Variants in KMT2C observed in about 807,000 individuals in gnomAD.
The protein encoded by KMT2C is histone-lysine N-methyltransferase 2C.
Under a neutral mutation model 507.9 loss-of-function variants are expected in KMT2C, and 88 were observed. The ratio of observed to expected loss-of-function variants is 0.17; its 90% confidence interval spans 0.15 to 0.21. KMT2C has a LOEUF of 0.21. KMT2C is among the 10% of genes least tolerant of loss of function. The pLI, the probability that KMT2C is intolerant of heterozygous loss-of-function variation, is 1.00. For missense variants in KMT2C, 4,954 were observed against 5,957.8 expected, an observed-to-expected ratio of 0.83 and a Z score of 5.55; for synonymous variants, 2,049 against 2,080.8, an observed-to-expected ratio of 0.98 and a Z score of 0.42.
At chr7:152,289,941 G>T (rs562644295) in intron 6 of KMT2C, among the ~76,000 whole-genome samples, 1 of 152,054 alleles carries the variant, frequency 6.6e-6, no homozygotes, top group East Asian at 1.9e-4. Flanking sequence ...CAGCTACTCA[G>T]GAGGCTGAGG....
intron 7 of KMT2C, among the ~76,000 whole-genome samples, chr7:152,268,078 G>A (rs565696122): frequency 2.4e-4 from 36 of 152,234 alleles, no homozygotes; most frequent in Non-Finnish European, 3.7e-4. Flanking sequence ...TCAGGAGCTC[G>A]AGACCAGCCG....
At chr7:152,310,173 T>C (rs2129199385) in intron 5 of KMT2C, 98 bp from the exon 6 acceptor site, 2 of 763,222 alleles carry the variant, frequency 2.6e-6, no homozygotes, top group East Asian at 5.4e-5. Context: ...CTCTAATATG[T>C]AAATATACAA....
intron 6 of KMT2C, among the ~76,000 whole-genome samples, chr7:152,297,052 A>AGAAT (rs2096516001): frequency 1.4e-5 from 1 of 73,916 alleles, no homozygotes; most frequent in Non-Finnish European, 2.5e-5. Flanking sequence ...AAAGAAAGAA[A>AGAAT]GACAGAGAGA....
intron 55 of KMT2C, among the ~76,000 whole-genome samples, chr7:152,142,784 G>A (rs1190974103): frequency 6.6e-6 from 1 of 152,210 alleles, no homozygotes; most frequent in Admixed American, 6.5e-5. Context: ...AGTTGATCGA[G>A]AGGGACCTCT....
chr7:152,410,536 C>G (rs1293723575), intron 1 of KMT2C, among the ~76,000 whole-genome samples: 4 of 152,070 alleles, frequency 2.6e-5, no homozygotes, highest in African/African-American at 9.7e-5. Flanking sequence ...CGAGACAGCG[C>G]CACTGCACTC....
intron 1 of KMT2C, among the ~76,000 whole-genome samples, chr7:152,360,427 G>A (rs764188516): frequency 1.3e-4 from 20 of 151,034 alleles, no homozygotes; most frequent in Non-Finnish European, 2.7e-4. Context: ...GCAGTGAGCC[G>A]AGATCACACC....
At chr7:152,409,059 A>G (rs1349560398) in intron 1 of KMT2C, among the ~76,000 whole-genome samples, 1 of 151,810 alleles carries the variant, frequency 6.6e-6, no homozygotes, top group Non-Finnish European at 1.5e-5. Flanking sequence ...GCTTAAGTGC[A>G]GTGGCGCCAT....
At chr7:152,149,966 A>C (rs1587698060) in intron 51 of KMT2C, among the ~76,000 whole-genome samples, 1 of 152,202 alleles carries the variant, frequency 6.6e-6, no homozygotes, top group Non-Finnish European at 1.5e-5. Context: ...TTAAGATCTA[A>C]ATTTATTTGT....
chr7:152,368,757 A>G (rs1270313570), intron 1 of KMT2C: 17 of 863,712 alleles, frequency 2.0e-5, no homozygotes, highest in Middle Eastern at 3.5e-4. Flanking sequence ...CACCAGTTTC[A>G]TCCATAATGA....
At chr7:152,266,271 G>A (rs1353676823) in intron 7 of KMT2C, among the ~76,000 whole-genome samples, 1 of 150,084 alleles carries the variant, frequency 6.7e-6, no homozygotes, top group African/African-American at 2.5e-5. Flanking sequence ...TTGAGACAGA[G>A]TTTCACTCTG....
intron 31 of KMT2C, among the ~76,000 whole-genome samples, chr7:152,188,799 G>A (rs1363612450): frequency 6.6e-6 from 1 of 151,494 alleles, no homozygotes; most frequent in East Asian, 1.9e-4. Flanking sequence ...TAGTGGAGGT[G>A]GGGTTTCACC....
At chr7:152,300,668 G>C (rs1227650564) in intron 6 of KMT2C, among the ~76,000 whole-genome samples, 3 of 152,154 alleles carry the variant, frequency 2.0e-5, no homozygotes, top group Non-Finnish European at 4.4e-5. Flanking sequence ...CTGATCCCAT[G>C]AGTCCTTCTA....
At chr7:152,314,966 T>G (rs1427111738) in intron 4 of KMT2C, among the ~76,000 whole-genome samples, 172 bp downstream of exon 4, 1 of 152,136 alleles carries the variant, frequency 6.6e-6, no homozygotes. Context: ...GTGAAAAGGA[T>G]AGTTTGTTGG....
At chr7:152,194,207 T>C in intron 30 of KMT2C, 22 bp downstream of exon 30, 4 of 1,547,626 alleles carry the variant, frequency 2.6e-6, no homozygotes, top group East Asian at 2.3e-5. Flanking sequence ...TTTCATTAAC[T>C]AGAAAATCAA....
rs751856140 is a variant in KMT2C at position 152,148,672 on chromosome 7, G to A, written c.13255C>T (p.Leu4419=). Residue 4419 remains leucine, a synonymous_variant, in exon 52 of 59, where the codon CTA becomes TTA. Transcript: ENST00000262189. This position sits in a 1 kb window ranked among gnomAD's most constrained non-coding sequence, Gnocchi z 7.1. The part of the protein sequence containing the change: ...GDGLTDGPAR[L]LNLDLDLWVH... The stretch of plus-strand genomic sequence containing the variant: ...CACAGATCCAAGTCAAGGTTGAGTA[G>A]CCTTGCTGGTCCATCTGTCAATCCA... The A allele has an allele frequency of 6.2e-7, 1 of 1,614,202 alleles. No homozygotes were observed. Among genetic ancestry groups the A allele is most frequent in the Admixed American group, 1.7e-5 (1 of 60,038 alleles).
intron 25 of KMT2C, among the ~76,000 whole-genome samples, chr7:152,203,651 G>C (rs1379531984): frequency 6.6e-6 from 1 of 152,074 alleles, no homozygotes; most frequent in Non-Finnish European, 1.5e-5. Context: ...AAAGAAACAA[G>C]AACACAGCTT....
At chr7:152,244,662 C>T (rs1165548541) in intron 14 of KMT2C, among the ~76,000 whole-genome samples, 4 of 152,196 alleles carry the variant, frequency 2.6e-5, no homozygotes, top group African/African-American at 9.7e-5. Context: ...CTGTCTGTTA[C>T]TTCTCCTACC....
At chr7:152,154,200 C>A (rs913802080) in intron 47 of KMT2C, 54 bp from the exon 48 acceptor site, 104 of 1,610,218 alleles carry the variant, frequency 6.5e-5, no homozygotes, top group African/African-American at 9.4e-5. Flanking sequence ...TTTTCAAAAT[C>A]AAAATATTTA....
intron 1 of KMT2C, among the ~76,000 whole-genome samples, chr7:152,397,624 T>C (rs1394151477): frequency 1.3e-5 from 2 of 152,118 alleles, no homozygotes; most frequent in Non-Finnish European, 2.9e-5. Flanking sequence ...TTTGGCAGTG[T>C]CCCCACCCAA....
Sources: gnomAD v4.1 joint callset for allele counts (sites outside exome capture counted in the v4.1 genomes callset) on GRCh38, gnomAD v4.1.1 for gene constraint, Gnocchi (gnomAD v3.1) non-coding constraint, MANE v1.5 for transcripts, NCBI Gene and HGNC (gene_info 2026-07-23, HGNC 2026-07-21) for gene names.